Variants in PLXDC2 observed in about 807,000 individuals in gnomAD.
PLXDC2 encodes plexin domain-containing protein 2.
PLXDC2 carries 40 observed loss-of-function variants against 68.9 expected under a neutral mutation model. That is an observed-to-expected ratio of 0.58 (90% CI 0.45 to 0.76). The LOEUF (loss-of-function observed/expected upper bound fraction) is 0.76. PLXDC2 is among the 30% of genes least tolerant of loss of function. PLXDC2 has a pLI of 0.00. For missense variants in PLXDC2, 644 were observed against 661.9 expected (o/e 0.97, Z 0.30); for synonymous variants, 243 against 234.2 (o/e 1.04, Z -0.34).
intron 7 of PLXDC2, among the ~76,000 whole-genome samples, chr10:20,171,735 CTTTCT>C (rs762530766): frequency 5.3e-5 from 8 of 152,022 alleles, no homozygotes; most frequent in South Asian, 4.2e-4. Context: ...TGGTTAAATT[CTTTCT>C]TTTATTTCAT....
At chr10:19,894,277 C>CT (rs1251867489) in intron 1 of PLXDC2, among the ~76,000 whole-genome samples, 3,440 of 143,110 alleles carry the variant, frequency 0.024, 51 homozygotes, top group African/African-American at 0.048. Context: ...TGATGTTTTC[C>CT]TTTTTTTTTT....
intron 13 of PLXDC2, among the ~76,000 whole-genome samples, chr10:20,268,050 C>T (rs1004461960): frequency 6.6e-6 from 1 of 152,080 alleles, no homozygotes; most frequent in African/African-American, 2.4e-5. Flanking sequence ...AATGATTAAA[C>T]ACTGTTATTA....
intron 1 of PLXDC2, among the ~76,000 whole-genome samples, chr10:19,881,950 C>G (rs943905382): frequency 6.6e-6 from 1 of 152,160 alleles, no homozygotes; most frequent in Non-Finnish European, 1.5e-5. Context: ...ATCTTAATTT[C>G]TAGTTACTTC....
chr10:19,880,042 T>C (rs1837699982), intron 1 of PLXDC2, among the ~76,000 whole-genome samples: 3 of 152,222 alleles, frequency 2.0e-5, no homozygotes, highest in Non-Finnish European at 4.4e-5. Flanking sequence ...TTTTAGACCA[T>C]GACTTGAGGA....
At chr10:19,944,839 C>G (rs1056481849) in intron 1 of PLXDC2, among the ~76,000 whole-genome samples, 5 of 152,128 alleles carry the variant, frequency 3.3e-5, no homozygotes, top group Admixed American at 2.6e-4. Flanking sequence ...GTAATCCCAG[C>G]CACTCGGGAG....
At chr10:19,884,574 A>G (rs1464324362) in intron 1 of PLXDC2, among the ~76,000 whole-genome samples, 6 of 148,648 alleles carry the variant, frequency 4.0e-5, no homozygotes, top group African/African-American at 1.2e-4. Flanking sequence ...TCATTGTTCA[A>G]TTCCCACCTA....
At chr10:20,221,648 A>C (rs1164615935) in intron 12 of PLXDC2, among the ~76,000 whole-genome samples, 1 of 152,180 alleles carries the variant, frequency 6.6e-6, no homozygotes, top group African/African-American at 2.4e-5. Flanking sequence ...ATTTTATGGA[A>C]TGTGGAGATG....
chr10:20,207,167 C>G (rs1039504185), intron 9 of PLXDC2, among the ~76,000 whole-genome samples: 3 of 152,102 alleles, frequency 2.0e-5, no homozygotes, highest in African/African-American at 7.2e-5. Flanking sequence ...ATTCTCAGTC[C>G]TTTCCATTCT....
At chr10:20,076,446 C>A (rs372963306) in intron 4 of PLXDC2, among the ~76,000 whole-genome samples, 7 of 152,182 alleles carry the variant, frequency 4.6e-5, no homozygotes, top group Non-Finnish European at 7.3e-5. Context: ...AATAAAAATA[C>A]CTGGTGCATA....
At chr10:20,030,668 G>C (rs147597370) in intron 2 of PLXDC2, among the ~76,000 whole-genome samples, 2 of 152,132 alleles carry the variant, frequency 1.3e-5, no homozygotes, top group Non-Finnish European at 2.9e-5. Context: ...AGCTCTGATT[G>C]GTAGATACAG....
chr10:20,009,934 A>G (rs1422684019), intron 2 of PLXDC2, among the ~76,000 whole-genome samples: 1 of 152,030 alleles, frequency 6.6e-6, no homozygotes, highest in Non-Finnish European at 1.5e-5. Context: ...TCTAGGAGTG[A>G]AAAGATGAGT....
chr10:19,922,989 T>G (rs368651908), intron 1 of PLXDC2, among the ~76,000 whole-genome samples: 1 of 152,322 alleles, frequency 6.6e-6, no homozygotes, highest in South Asian at 2.1e-4. Flanking sequence ...TCAAAGGAAA[T>G]CTGATCTATC....
chr10:19,943,899 G>A (rs1833858483), intron 1 of PLXDC2, among the ~76,000 whole-genome samples: 1 of 152,168 alleles, frequency 6.6e-6, no homozygotes, highest in Non-Finnish European at 1.5e-5. Flanking sequence ...CTTTTGCTAT[G>A]CATTGTTTGT....
In PLXDC2 at chr10:20,285,217, C is replaced by T. The variant is rs1836136996; in HGVS notation, c.*5398C>T. ...TCTGTGGTGTTACCTTTTATATACTCCTATTACCTTATGTTTGTGAAGCAT... is the reference window on the plus strand; with the variant it reads ...TCTGTGGTGTTACCTTTTATATACTTCTATTACCTTATGTTTGTGAAGCAT... On this transcript the variant is annotated 3_prime_UTR_variant, in exon 14 of 14. Coordinates refer to ENST00000377252, the MANE Select transcript of PLXDC2 (RefSeq NM_032812.9). 6.6e-6 allele frequency: 1 copy of T among 151,956 alleles called. No homozygotes were observed. The highest frequency in any genetic ancestry group is 2.1e-4 in the South Asian group (1 of 4,824). The allele number at this position is 151,956 out of a possible 1,614,324, so 9.4% of individuals were successfully genotyped here.
chr10:20,125,946 ATAT>A (rs1254487935), intron 4 of PLXDC2, among the ~76,000 whole-genome samples: 1 of 148,590 alleles, frequency 6.7e-6, no homozygotes, highest in Admixed American at 6.7e-5. Flanking sequence ...ATATATATAT[ATAT>A]ATAATATTTA....
intron 1 of PLXDC2, among the ~76,000 whole-genome samples, chr10:19,979,381 A>AT (rs747330816): frequency 0.17 from 24,897 of 143,658 alleles, 2,109 homozygotes; most frequent in African/African-American, 0.21. Flanking sequence ...AGATAGATAG[A>AT]TTTTTTTTTT....
At chr10:19,842,699 A>G (rs1045148508) in intron 1 of PLXDC2, among the ~76,000 whole-genome samples, 1 of 152,224 alleles carries the variant, frequency 6.6e-6, no homozygotes. Flanking sequence ...GTGAATTTGA[A>G]GGCAGCTAAA....
At chr10:20,248,910 T>C (rs921206746) in intron 13 of PLXDC2, among the ~76,000 whole-genome samples, 4 of 152,244 alleles carry the variant, frequency 2.6e-5, no homozygotes, top group Non-Finnish European at 5.9e-5. Context: ...TCTTCTTTTA[T>C]GAAAGTGATA....
intron 9 of PLXDC2, among the ~76,000 whole-genome samples, chr10:20,200,953 G>A (rs183396004): frequency 1.5e-4 from 23 of 152,122 alleles, no homozygotes; most frequent in Middle Eastern, 3.4e-3. Context: ...TGGTACAGCC[G>A]CTGTGGAGAA....
Sources: gnomAD v4.1 joint callset for allele counts (sites outside exome capture counted in the v4.1 genomes callset) on GRCh38, gnomAD v4.1.1 for gene constraint, MANE v1.5 for transcripts, NCBI Gene and HGNC (gene_info 2026-07-23, HGNC 2026-07-21) for gene names.